The following DDX60 variants were observed in gnomAD, a reference collection of about 807,000 sequenced individuals.
DDX60 encodes the protein probable ATP-dependent RNA helicase DDX60.
Under a neutral mutation model 212.8 loss-of-function variants are expected in DDX60, and 165 were observed. The observed-to-expected ratio is 0.78, with a 90% CI of 0.68 to 0.88. The LOEUF is 0.88. DDX60 is among the 40% of genes least tolerant of loss of function. The probability of loss-of-function intolerance (pLI) is 0.00; values close to 1 mark genes in which losing one functional copy is unlikely to be tolerated. For synonymous variants in DDX60, 703 were observed against 685.3 expected, an observed-to-expected ratio of 1.03 and a Z score of -0.40; for missense variants, 1,905 against 2,003.9, an observed-to-expected ratio of 0.95 and a Z score of 0.94.
intron 22 of DDX60, among the ~76,000 whole-genome samples, chr4:168,265,174 G>A (rs2149514056): frequency 6.6e-6 from 1 of 152,260 alleles, no homozygotes; most frequent in Admixed American, 6.5e-5. Context: ...CCTCACCATG[G>A]TTGGATTCAG....
intron 26 of DDX60, 98 bp downstream of exon 26, chr4:168,255,613 A>G (rs1734372492): frequency 9.3e-7 from 1 of 1,076,440 alleles, no homozygotes. Flanking sequence ...AGCGACAACT[A>G]GAACTTATTT....
At chr4:168,310,364 T>C (rs913255257) in intron 3 of DDX60, among the ~76,000 whole-genome samples, 5 of 152,266 alleles carry the variant, frequency 3.3e-5, no homozygotes, top group East Asian at 3.9e-4. Flanking sequence ...GATGGCACCA[T>C]TGAAGATGTC....
Position 168,291,759 on chromosome 4 carries a change from A to G in DDX60, c.1030T>C (p.Leu344=). 1 of 1,586,386 alleles carries G rather than the reference A, an allele frequency of 6.3e-7. No homozygotes were observed. Among genetic ancestry groups the G allele is most frequent in the Non-Finnish European group, 8.5e-7 (1 of 1,171,738 alleles). Residue 344 remains leucine, a synonymous_variant, in exon 8 of 38, where the codon TTA becomes CTA. Coordinates refer to ENST00000393743, the MANE Select transcript of DDX60 (RefSeq NM_017631.6). The part of the protein sequence containing the change: ...TSHWAEDMKP[L]LQMKKWCEYF... ...AAGAGTACATTTACCATTTGTAATA[A>G]AGGCTTCATGTCCTCAGCCCAATGG...
intron 12 of DDX60, among the ~76,000 whole-genome samples, 187 bp from the exon 13 acceptor site, chr4:168,283,793 GACAAAACAC>G (rs1445301036): frequency 6.6e-6 from 1 of 152,114 alleles, no homozygotes; most frequent in Non-Finnish European, 1.5e-5. Flanking sequence ...AGATGGAAGT[GACAAAACAC>G]ACTTTCATGG....
chr4:168,301,236 A>C (rs1422254385), intron 6 of DDX60, among the ~76,000 whole-genome samples: 1 of 152,210 alleles, frequency 6.6e-6, no homozygotes, highest in Non-Finnish European at 1.5e-5. Context: ...AAAATAAACC[A>C]TTATGGATTT....
At chr4:168,319,599 T>C (rs965204582), upstream of DDX60, among the ~76,000 whole-genome samples, 1 of 152,238 alleles carries the variant, frequency 6.6e-6, no homozygotes, top group African/African-American at 2.4e-5. Flanking sequence ...CTCAAATTGA[T>C]GAAATGTTCT....
At chr4:168,284,636 C>G (rs73863027) in intron 12 of DDX60, among the ~76,000 whole-genome samples, 184 bp downstream of exon 12, 2,947 of 152,254 alleles carry the variant, frequency 0.019, 82 homozygotes, top group African/African-American at 0.067. Flanking sequence ...TACATACGTA[C>G]GACTGTCAAT....
In DDX60 at chr4:168,287,070, T is replaced by C. The variant is rs1244779510; in HGVS notation, c.1317A>G (p.Glu439=). The C allele has an allele frequency of 1.2e-6, 2 of 1,606,404 alleles. No homozygotes were observed. The highest frequency in any genetic ancestry group is 2.7e-5 in the African/African-American group (2 of 74,392). ...PLRTTKVCFL[E]KKPSPIKDSS... is the part of the protein sequence containing the mutation. ...TACCTTTGATTGGTGATGGTTTCTT[T>C]TCAAGAAAACAAACTTTTGTTGTTC... is the stretch of plus-strand genomic sequence containing the variant. The change falls in exon 10 of 38, where the codon GAA becomes GAG. Residue 439 remains glutamate (E), a synonymous_variant. Coordinates refer to ENST00000393743, the MANE Select transcript of DDX60 (RefSeq NM_017631.6).
chr4:168,310,972 G>A lies in DDX60; in HGVS notation c.74+26C>T, dbSNP rs181560217. The A allele has an allele frequency of 2.1e-4, 288 of 1,353,222 alleles. 1 individual carries two copies. The African/African-American group carries it at 2.5e-3, about 12-fold the overall frequency. 83.8% of individuals were successfully genotyped at this position (1,353,222 alleles called of 1,614,324 possible). A position where few individuals can be genotyped will look rare whatever the true frequency, so the allele number is the denominator to read the frequency against. On this transcript the variant is annotated intron_variant, in intron 3 of 37. Transcript: ENST00000393743. ...CAGGGAACATGAGCTATGATTTCCC[G>A]TCTTTATTACTATAATAATACTCAC...
intron 1 of DDX60, 60 bp from the exon 2 acceptor site, chr4:168,311,425 AT>A: frequency 1.6e-6 from 1 of 634,534 alleles, no homozygotes; most frequent in Non-Finnish European, 2.7e-6. Flanking sequence ...AATGACTACT[AT>A]ATGTAAAGCA....
chr4:168,239,096 TG>T (rs1733743958), intron 30 of DDX60, among the ~76,000 whole-genome samples: 1 of 152,170 alleles, frequency 6.6e-6, no homozygotes, highest in African/African-American at 2.4e-5. Flanking sequence ...TAAGAAAAAT[TG>T]ATCATCTTCC....
intron 20 of DDX60, among the ~76,000 whole-genome samples, chr4:168,268,336 C>T (rs1473989619): frequency 6.6e-6 from 1 of 151,852 alleles, no homozygotes; most frequent in African/African-American, 2.4e-5. Flanking sequence ...CAGTACTGGG[C>T]ACATAGGAGG....
Position 168,291,816 on chromosome 4 carries a change from A to G in DDX60, c.973T>C (p.Ser325Pro). 1 of 1,613,886 alleles carries G rather than the reference A, an allele frequency of 6.2e-7. No homozygotes were observed. The highest frequency in any genetic ancestry group is 8.5e-7 in the Non-Finnish European group (1 of 1,179,888). ...ATGACTCTAGCACAAGCTCTTTGAG[A>G]AAGAGGCAGATGGAGTAGAAAAACC... is the stretch of plus-strand genomic sequence containing the variant. ...TVVFLLHLPL[S>P]QRACARVITS... Residue 325 changes from serine to proline, a missense_variant, in exon 8 of 38, where the codon TCT becomes CCT. Physicochemically the swap from Ser to Pro is moderately conservative, Grantham distance 74. Coordinates refer to ENST00000393743, the MANE Select transcript of DDX60 (RefSeq NM_017631.6).
At chr4:168,225,389 C>T (rs536315102) in intron 34 of DDX60, 140 bp downstream of exon 34, 232 of 902,798 alleles carry the variant, frequency 2.6e-4, no homozygotes, top group Non-Finnish European at 3.4e-4. Flanking sequence ...AAATTTTTTT[C>T]TTTAGAAAGG....
intron 28 of DDX60, 31 bp downstream of exon 28, chr4:168,250,923 T>C (rs1734198117): frequency 2.6e-6 from 4 of 1,519,476 alleles, no homozygotes; most frequent in Non-Finnish European, 3.6e-6. Flanking sequence ...AGTCACAATT[T>C]CAATTTTTAG....
At chr4:168,237,168 A>G (rs1454689473) in intron 32 of DDX60, 118 bp downstream of exon 32, 9 of 652,512 alleles carry the variant, frequency 1.4e-5, no homozygotes, top group African/African-American at 1.9e-5. Context: ...TCTATAAATT[A>G]TCTACATATT....
intron 1 of DDX60, among the ~76,000 whole-genome samples, chr4:168,317,057 C>CAA (rs34647800): frequency 1.2e-3 from 59 of 49,728 alleles, no homozygotes; most frequent in African/African-American, 3.9e-3. Flanking sequence ...GACTCCGTCT[C>CAA]AAAAAAAAAA....
chr4:168,275,146 G>GAA (rs1227388955), intron 16 of DDX60, among the ~76,000 whole-genome samples, 199 bp downstream of exon 16: 13 of 152,082 alleles, frequency 8.5e-5, no homozygotes, highest in Non-Finnish European at 1.6e-4. Flanking sequence ...TACCTCCAAG[G>GAA]AAATGGTCTA....
At chr4:168,246,667 C>CT in intron 29 of DDX60, 49 bp from the exon 30 acceptor site, 1 of 1,585,820 alleles carries the variant, frequency 6.3e-7, no homozygotes. Context: ...AATGCTTCTA[C>CT]TGCCATAGTG....
Sources: allele counts gnomAD v4.1 joint callset (sites outside exome capture counted in the v4.1 genomes callset), GRCh38; gene constraint gnomAD v4.1.1; transcripts MANE v1.5; gene names NCBI Gene and HGNC (gene_info 2026-07-23, HGNC 2026-07-21).